Variants in PTPRT observed in about 807,000 individuals in gnomAD.
PTPRT encodes receptor-type tyrosine-protein phosphatase T.
PTPRT carries 56 observed loss-of-function variants against 176.8 expected under a neutral mutation model. The observed-to-expected ratio is 0.32, with a 90% CI of 0.26 to 0.40. The LOEUF (loss-of-function observed/expected upper bound fraction) is 0.40. Among genes scored for constraint, PTPRT ranks in the 10% least tolerant of loss-of-function variants. The probability of loss-of-function intolerance (pLI) is 1.00; values close to 1 mark genes in which losing one functional copy is unlikely to be tolerated. For missense variants in PTPRT, 1,540 were observed against 1,908.2 expected (o/e 0.81, Z 3.60); for synonymous variants, 783 against 739.0 (o/e 1.06, Z -0.96).
At chr20:42,098,184 G>A (rs887149992) in intron 27 of PTPRT, among the ~76,000 whole-genome samples, 12 of 152,140 alleles carry the variant, frequency 7.9e-5, no homozygotes, top group African/African-American at 2.4e-4. Flanking sequence ...GTCTGGTCCC[G>A]GGCGGGGAGT....
At chr20:42,225,337 T>C (rs1038572267) in intron 15 of PTPRT, among the ~76,000 whole-genome samples, 3 of 152,136 alleles carry the variant, frequency 2.0e-5, no homozygotes, top group African/African-American at 7.2e-5. Context: ...ATGACAATAA[T>C]TCCCCTGGCA....
At chr20:42,795,947 C>A (rs866162008) in intron 2 of PTPRT, among the ~76,000 whole-genome samples, 1 of 152,220 alleles carries the variant, frequency 6.6e-6, no homozygotes, top group Non-Finnish European at 1.5e-5. Context: ...GAGCCCAATG[C>A]CGTTTATAAA....
intron 7 of PTPRT, among the ~76,000 whole-genome samples, chr20:42,514,326 G>A (rs1285038659): frequency 6.6e-6 from 1 of 152,136 alleles, no homozygotes; most frequent in East Asian, 1.9e-4. Context: ...GGGATATGAA[G>A]TCATATCACC....
intron 18 of PTPRT, among the ~76,000 whole-genome samples, chr20:42,131,189 A>G (rs1405742616): frequency 6.6e-6 from 1 of 152,236 alleles, no homozygotes; most frequent in East Asian, 1.9e-4. Flanking sequence ...CAGTTCCTGC[A>G]GGATTCTAGC....
At chr20:42,907,024 G>A (rs1024157531) in intron 1 of PTPRT, among the ~76,000 whole-genome samples, 1 of 152,098 alleles carries the variant, frequency 6.6e-6, no homozygotes, top group African/African-American at 2.4e-5. Context: ...GGCACCGGGA[G>A]TCTCTCTCTT....
intron 11 of PTPRT, among the ~76,000 whole-genome samples, chr20:42,324,813 T>C (rs1438867666): frequency 6.6e-6 from 1 of 152,174 alleles, no homozygotes; most frequent in Non-Finnish European, 1.5e-5. Flanking sequence ...ACTCTGGGAA[T>C]TCCTGTTTTT....
At chr20:42,743,865 A>G (rs1463226175) in intron 6 of PTPRT, among the ~76,000 whole-genome samples, 5 of 152,160 alleles carry the variant, frequency 3.3e-5, no homozygotes. Flanking sequence ...TTGTTTTTTC[A>G]ATGTTTGAAT....
intron 1 of PTPRT, among the ~76,000 whole-genome samples, chr20:43,152,023 TC>T (rs2146422678): frequency 6.6e-6 from 1 of 152,340 alleles, no homozygotes; most frequent in East Asian, 1.9e-4. Context: ...ATTTGGAGCT[TC>T]TTTTTACTGC....
chr20:42,818,399 A>G (rs2077829094), intron 2 of PTPRT, among the ~76,000 whole-genome samples: 1 of 152,228 alleles, frequency 6.6e-6, no homozygotes, highest in African/African-American at 2.4e-5. Context: ...GCAGCCTCAA[A>G]AACGAAAACT....
intron 1 of PTPRT, among the ~76,000 whole-genome samples, chr20:43,137,781 C>T (rs1450544190): frequency 2.0e-5 from 3 of 152,324 alleles, no homozygotes; most frequent in Admixed American, 6.5e-5. Flanking sequence ...GACACACACA[C>T]GCGCGTACAC....
chr20:42,910,661 G>A (rs899637313), intron 1 of PTPRT, among the ~76,000 whole-genome samples: 13 of 152,086 alleles, frequency 8.5e-5, no homozygotes, highest in African/African-American at 3.1e-4. Context: ...TCTCCACGCA[G>A]CCTTGGTGCC....
At chr20:42,440,654 CT>C (rs2059306436) in intron 9 of PTPRT, among the ~76,000 whole-genome samples, 1 of 151,642 alleles carries the variant, frequency 6.6e-6, no homozygotes, top group Admixed American at 6.6e-5. Flanking sequence ...ATTTTTTGTA[CT>C]TTTAGTAGAG....
chr20:42,185,272 G>A (rs1990729645), intron 16 of PTPRT, among the ~76,000 whole-genome samples: 1 of 152,140 alleles, frequency 6.6e-6, no homozygotes, highest in African/African-American at 2.4e-5. Flanking sequence ...TGTTATATAT[G>A]CTTCTTTCCT....
intron 4 of PTPRT, among the ~76,000 whole-genome samples, chr20:42,772,075 T>C (rs551339088): frequency 2.6e-5 from 4 of 152,242 alleles, no homozygotes; most frequent in African/African-American, 7.2e-5. Flanking sequence ...AAAGCTGAAG[T>C]GAAGCACCTT....
Position 42,412,744 on chromosome 20 carries a change from C to A in PTPRT, c.1560+35476G>T, listed in dbSNP as rs1430008929. Among the ~76,000 whole-genome samples the A allele has an allele frequency of 4.6e-5, 7 of 152,140 alleles. No homozygotes were observed. In the South Asian group the frequency reaches 1.0e-3, roughly 22 times the overall value. Reference sequence around the variant, plus strand: ...AGTAAAGTACTAATACATGCAGTAGCGTGGCTAAACCTTGACAGCAAGATG... The same window carrying A: ...AGTAAAGTACTAATACATGCAGTAGAGTGGCTAAACCTTGACAGCAAGATG... On this transcript the variant is annotated intron_variant, in intron 9 of 30. Transcript: ENST00000373187.
intron 1 of PTPRT, among the ~76,000 whole-genome samples, chr20:42,894,556 A>G (rs1302215915): frequency 1.3e-5 from 2 of 152,188 alleles, no homozygotes; most frequent in East Asian, 1.9e-4. Context: ...AGATCACACA[A>G]ATAACAGGTG....
At chr20:43,025,577 C>G (rs931599464) in intron 1 of PTPRT, among the ~76,000 whole-genome samples, 2 of 152,184 alleles carry the variant, frequency 1.3e-5, no homozygotes, top group Non-Finnish European at 2.9e-5. Context: ...AGCCTCTTGC[C>G]AATGCATCCT....
chr20:42,366,695 A>G (rs2058519257), intron 9 of PTPRT, among the ~76,000 whole-genome samples: 1 of 152,242 alleles, frequency 6.6e-6, no homozygotes, highest in Non-Finnish European at 1.5e-5. Context: ...GTGCTGTAAG[A>G]ACATGAGCAC....
chr20:42,568,774 G>A (rs1312230894), intron 7 of PTPRT, among the ~76,000 whole-genome samples: 2 of 151,956 alleles, frequency 1.3e-5, no homozygotes, highest in African/African-American at 4.8e-5. Flanking sequence ...TTTCGGCTAG[G>A]CACGGTGGCT....
Sources: allele counts gnomAD v4.1 joint callset (sites outside exome capture counted in the v4.1 genomes callset), GRCh38; gene constraint gnomAD v4.1.1; transcripts MANE v1.5; gene names NCBI Gene and HGNC (gene_info 2026-07-23, HGNC 2026-07-21).